Variants in MARK1 observed in about 807,000 individuals in gnomAD.
MARK1 encodes serine/threonine-protein kinase MARK1.
MARK1 carries 40 observed loss-of-function variants against 96.3 expected under a neutral mutation model. The ratio of observed to expected loss-of-function variants is 0.42; its 90% CI spans 0.32 to 0.54. The LOEUF (loss-of-function observed/expected upper bound fraction) is 0.54, where lower values mean the gene tolerates loss of function less well. MARK1 is among the 20% of genes least tolerant of loss of function. The probability of loss-of-function intolerance (pLI) is 0.16; values close to 1 mark genes in which losing one functional copy is unlikely to be tolerated. For synonymous variants in MARK1, 317 were observed against 341.2 expected (o/e 0.93, Z 0.78); for missense variants, 719 against 984.6 (o/e 0.73, Z 3.61).
At chr1:220,569,661 C>T (rs1663303728) in intron 1 of MARK1, among the ~76,000 whole-genome samples, 1 of 152,046 alleles carries the variant, frequency 6.6e-6, no homozygotes, top group African/African-American at 2.4e-5. Context: ...TAATTTATTA[C>T]TTCTTCATTG....
At chr1:220,600,535 G>A (rs1310929034) in intron 5 of MARK1, among the ~76,000 whole-genome samples, 1 of 152,148 alleles carries the variant, frequency 6.6e-6, no homozygotes, top group Non-Finnish European at 1.5e-5. Flanking sequence ...CGAGAAATGT[G>A]TCAGCTCAGA....
intron 1 of MARK1, among the ~76,000 whole-genome samples, chr1:220,539,642 A>G (rs1446162545): frequency 6.6e-6 from 1 of 151,798 alleles, no homozygotes; most frequent in Admixed American, 6.6e-5. Flanking sequence ...GGCAATTTTA[A>G]TTTTCCTTCT....
intron 6 of MARK1, among the ~76,000 whole-genome samples, chr1:220,612,329 A>G (rs1666493395): frequency 1.3e-5 from 2 of 152,310 alleles, no homozygotes; most frequent in East Asian, 1.9e-4. Context: ...GGACATAGGT[A>G]TTTTAATAGA....
intron 1 of MARK1, among the ~76,000 whole-genome samples, chr1:220,569,242 T>G (rs968211130): frequency 1.3e-5 from 2 of 152,298 alleles, no homozygotes; most frequent in Middle Eastern, 3.4e-3. Context: ...AAAAATTGAC[T>G]TGTGGAAGTT....
intron 13 of MARK1, among the ~76,000 whole-genome samples, chr1:220,638,581 T>G (rs1321156694): frequency 6.6e-6 from 1 of 152,198 alleles, no homozygotes; most frequent in East Asian, 1.9e-4. Flanking sequence ...TCATTAGTGC[T>G]GAAGCATACA....
In MARK1 at chr1:220,528,777, C is replaced by T; in HGVS notation, c.-46C>T. ...CTGTCGCCCCCCGGGGCCCGCACCA[C>T]AGCCCGGCCGGCGAGACCCCGGCCA... On this transcript the variant is annotated 5_prime_UTR_variant, in exon 1 of 18. Transcript: ENST00000366917. 6.5e-7 allele frequency: 1 copy of T among 1,539,510 alleles called. No individual in the cohort carries two copies. Among genetic ancestry groups the T allele is most frequent in the Non-Finnish European group, 8.8e-7 (1 of 1,140,810 alleles).
chr1:220,611,738 AT>A (rs1450643358), intron 6 of MARK1, among the ~76,000 whole-genome samples: 4 of 151,384 alleles, frequency 2.6e-5, no homozygotes, highest in Non-Finnish European at 5.9e-5. Context: ...TTTTATTTTT[AT>A]TTTATTTTTT....
chr1:220,652,181 A>ACATCTCATTTTGTTCG, intron 15 of MARK1, 31 bp downstream of exon 15: 1 of 1,550,338 alleles, frequency 6.5e-7, no homozygotes, highest in Non-Finnish European at 8.8e-7. Flanking sequence ...CATTTTGTTC[A>ACATCTCATTTTGTTCG]TTAAGAGTTT....
rs1423231901 is a variant in MARK1, at chr1:220,618,900, A to C, written c.909+145A>C. On this transcript the variant is annotated intron_variant, in intron 9 of 17. Coordinates refer to ENST00000366917, the MANE Select transcript of MARK1 (RefSeq NM_018650.5). The surrounding 1 kb of genome is among the most constrained non-coding windows in gnomAD (Gnocchi z 4.6). ...GTTTGTAGGTAGGGAAAATTACATG[A>C]CTTTTTTTCACTTTCAAAAGTTGCC... 7 of 667,352 alleles carry C rather than the reference A, an allele frequency of 1.0e-5. No homozygotes were observed. Among genetic ancestry groups the C allele is most frequent in the East Asian group, 8.9e-5 (3 of 33,736 alleles). The allele number at this position is 667,352 out of a possible 1,614,324, so 41.3% of individuals were successfully genotyped here.
At chr1:220,581,682 A>G (rs1664250639) in intron 3 of MARK1, among the ~76,000 whole-genome samples, 1 of 152,186 alleles carries the variant, frequency 6.6e-6, no homozygotes, top group African/African-American at 2.4e-5. Context: ...TTCTTCCACA[A>G]GAACTACTAG....
chr1:220,601,839 A>G (rs1665769326), intron 5 of MARK1, among the ~76,000 whole-genome samples: 3 of 152,174 alleles, frequency 2.0e-5, no homozygotes, highest in Non-Finnish European at 4.4e-5. Context: ...CTTCAGTAGC[A>G]TATTTGGGAG....
intron 1 of MARK1, among the ~76,000 whole-genome samples, chr1:220,564,259 A>C (rs1464291665): frequency 1.3e-5 from 2 of 152,122 alleles, no homozygotes; most frequent in African/African-American, 4.8e-5. Context: ...TCATTAACTA[A>C]AGGCTTTGTG....
intron 9 of MARK1, chr1:220,627,536 A>G (rs865965439): frequency 2.9e-6 from 1 of 350,454 alleles, no homozygotes; most frequent in South Asian, 2.4e-5. Flanking sequence ...TTCTCTGTGT[A>G]TTTATAGGAA....
At chr1:220,622,311 T>A (rs1411009707) in intron 9 of MARK1, among the ~76,000 whole-genome samples, 1 of 152,218 alleles carries the variant, frequency 6.6e-6, no homozygotes, top group Non-Finnish European at 1.5e-5. Flanking sequence ...AATGCAAAAT[T>A]TGAGCCTGAA....
chr1:220,657,665 G>C (rs1439759642), intron 16 of MARK1, 125 bp from the exon 17 acceptor site: 3 of 600,042 alleles, frequency 5.0e-6, no homozygotes, highest in Non-Finnish European at 8.6e-6. Flanking sequence ...AGACTGACTA[G>C]TAATAGAAAA....
intron 1 of MARK1, among the ~76,000 whole-genome samples, chr1:220,549,465 A>G (rs1030947549): frequency 1.3e-5 from 2 of 152,204 alleles, no homozygotes; most frequent in African/African-American, 4.8e-5. Context: ...CCTGAATTAC[A>G]TGGTTTTCAT....
intron 1 of MARK1, among the ~76,000 whole-genome samples, chr1:220,556,468 G>A (rs1455109187): frequency 9.3e-6 from 1 of 107,402 alleles, no homozygotes; most frequent in Admixed American, 1.3e-4. Flanking sequence ...CAAAATCTAG[G>A]ACCCATGGGA....
rs909535794 is a variant in MARK1 at position 220,654,801 on chromosome 1, G to A, written c.1988+1449G>A. On this transcript the variant is annotated intron_variant, in intron 16 of 17. Transcript: ENST00000366917. The surrounding 1 kb of genome is among the most constrained non-coding windows in gnomAD (Gnocchi z 4.0). The stretch of plus-strand genomic sequence containing the variant: ...TGCTTGATTACTAATTGTGCATTAA[G>A]CATTGTGCAAAATATTTCTCTTAAC... 6.6e-6 allele frequency among the ~76,000 whole-genome samples: 1 copy of A among 152,194 alleles called. No homozygotes were observed. Among genetic ancestry groups the A allele is most frequent in the Non-Finnish European group, 1.5e-5 (1 of 68,042 alleles).
In MARK1 at chr1:220,532,540, G is replaced by A. The variant is rs73101861; in HGVS notation, c.51+3667G>A. Among the ~76,000 whole-genome samples, 567 of 152,196 alleles carry A rather than the reference G, an allele frequency of 3.7e-3. 6 individuals carry two copies. The highest frequency in any genetic ancestry group is 0.013 in the African/African-American group (531 of 41,502). ...TGACATTGGTGAGGGTAGACATTACGTATTACAACCTGAGAGGCTGAATGA... is the reference window on the plus strand; with the variant it reads ...TGACATTGGTGAGGGTAGACATTACATATTACAACCTGAGAGGCTGAATGA... On this transcript the variant is annotated intron_variant, in intron 1 of 17. Coordinates refer to ENST00000366917, the MANE Select transcript of MARK1 (RefSeq NM_018650.5).
Sources: allele counts gnomAD v4.1 joint callset (sites outside exome capture counted in the v4.1 genomes callset), GRCh38; gene constraint gnomAD v4.1.1; non-coding constraint Gnocchi (gnomAD v3.1); transcripts MANE v1.5; gene names NCBI Gene and HGNC (gene_info 2026-07-23, HGNC 2026-07-21).